The following DRC11 variants were observed in gnomAD, a reference collection of about 807,000 sequenced individuals.
The protein encoded by DRC11 is IQ and AAA domain-containing protein 1.
At chr2:236,465,535 T>C in the DRC11 span, 6 of 1,613,998 alleles carry the variant, frequency 3.7e-6, no homozygotes, top group Non-Finnish European at 5.1e-6. The surrounding 1 kb of genome is among the most constrained non-coding windows in gnomAD (Gnocchi z 6.2). Context: ...CCGGATCTGG[T>C]CTTGAAGGTT....
At chr2:236,331,574 G>A in the DRC11 span, 9 of 1,613,388 alleles carry the variant, frequency 5.6e-6, no homozygotes, top group Admixed American at 1.7e-5. This position sits in a 1 kb window ranked among gnomAD's most constrained non-coding sequence, Gnocchi z 4.8. Context: ...CCTCCATTGC[G>A]TTCAATGATT....
the DRC11 span, among the ~76,000 whole-genome samples, chr2:236,321,710 A>G: frequency 6.6e-6 from 1 of 152,184 alleles, no homozygotes; most frequent in Non-Finnish European, 1.5e-5. Context: ...TGTGTGACAG[A>G]GCAGGAGCAC....
At chr2:236,399,428 ATCCT>A in the DRC11 span, 1 of 1,613,764 alleles carries the variant, frequency 6.2e-7, no homozygotes, top group Non-Finnish European at 8.5e-7. This position sits in a 1 kb window ranked among gnomAD's most constrained non-coding sequence, Gnocchi z 7.0. Context: ...TATGCGTTAC[ATCCT>A]TCCTTCATTG....
the DRC11 span, among the ~76,000 whole-genome samples, chr2:236,419,558 T>A: frequency 6.6e-6 from 1 of 152,104 alleles, no homozygotes; most frequent in African/African-American, 2.4e-5. This position sits in a 1 kb window ranked among gnomAD's most constrained non-coding sequence, Gnocchi z 4.8. Context: ...CTCCTGGAGG[T>A]TCCACAAACT....
chr2:236,446,763 G>C, the DRC11 span, among the ~76,000 whole-genome samples: 1 of 152,196 alleles, frequency 6.6e-6, no homozygotes, highest in African/African-American at 2.4e-5. The surrounding 1 kb of genome is among the most constrained non-coding windows in gnomAD (Gnocchi z 6.2). Context: ...CCAGGCCCTG[G>C]ACAGGCACTG....
chr2:236,340,850 G>A, the DRC11 span, among the ~76,000 whole-genome samples: 2 of 152,196 alleles, frequency 1.3e-5, no homozygotes, highest in Non-Finnish European at 2.9e-5. Flanking sequence ...CATCCTTGCT[G>A]ATGGTGAGGT....
chr2:236,457,858 C>T, the DRC11 span, among the ~76,000 whole-genome samples: 1 of 152,200 alleles, frequency 6.6e-6, no homozygotes, highest in Non-Finnish European at 1.5e-5. The surrounding 1 kb of genome is among the most constrained non-coding windows in gnomAD (Gnocchi z 4.7). Flanking sequence ...TGTCAGTCTC[C>T]TGACCTGTGA....
the DRC11 span, among the ~76,000 whole-genome samples, chr2:236,424,242 G>A: frequency 1.2e-3 from 180 of 152,042 alleles, no homozygotes; most frequent in African/African-American, 4.1e-3. Context: ...AAAAATAGTC[G>A]GATATATAAT....
the DRC11 span, among the ~76,000 whole-genome samples, chr2:236,476,352 AT>A: frequency 6.6e-6 from 1 of 151,312 alleles, no homozygotes; most frequent in East Asian, 1.9e-4. This position sits in a 1 kb window ranked among gnomAD's most constrained non-coding sequence, Gnocchi z 4.7. Context: ...ACTTTTTTGA[AT>A]TTTTTTTAGA....
the DRC11 span, among the ~76,000 whole-genome samples, chr2:236,435,164 C>A: frequency 1.1e-4 from 16 of 152,242 alleles, 1 homozygote; most frequent in Non-Finnish European, 2.4e-4. Context: ...GTCAGTCATG[C>A]TGAAGTCCTG....
the DRC11 span, among the ~76,000 whole-genome samples, chr2:236,414,818 G>A: frequency 6.6e-6 from 1 of 152,098 alleles, no homozygotes; most frequent in South Asian, 2.1e-4. Flanking sequence ...ATCAAATGCA[G>A]GCAAGATTAT....
the DRC11 span, among the ~76,000 whole-genome samples, chr2:236,382,638 A>C: frequency 6.6e-6 from 1 of 152,184 alleles, no homozygotes; most frequent in Non-Finnish European, 1.5e-5. Flanking sequence ...TGCAGTTTTA[A>C]CATACAAGTC....
At chr2:236,456,379 G>A in the DRC11 span, among the ~76,000 whole-genome samples, 1 of 152,166 alleles carries the variant, frequency 6.6e-6, no homozygotes, top group African/African-American at 2.4e-5. This position sits in a 1 kb window ranked among gnomAD's most constrained non-coding sequence, Gnocchi z 5.4. Context: ...AGGCAGCCTG[G>A]CTCTAGGGCC....
chr2:236,488,311 G>A, the DRC11 span: 217 of 638,334 alleles, frequency 3.4e-4, no homozygotes, highest in Middle Eastern at 2.1e-3. Context: ...GGCTGATCAT[G>A]AGTGTGAGAA....
the DRC11 span, among the ~76,000 whole-genome samples, chr2:236,355,336 GCT>G: frequency 6.6e-6 from 1 of 152,346 alleles, no homozygotes; most frequent in East Asian, 1.9e-4. Flanking sequence ...CTATGTGGGC[GCT>G]CTCTGCACTT....
At chr2:236,433,635 T>G in the DRC11 span, among the ~76,000 whole-genome samples, 41 of 152,350 alleles carry the variant, frequency 2.7e-4, no homozygotes, top group East Asian at 7.3e-3. Context: ...AGTAGTTTTT[T>G]AGTTTATTCT....
At chr2:236,441,075 A>G in the DRC11 span, 3 of 1,560,874 alleles carry the variant, frequency 1.9e-6, no homozygotes, top group Non-Finnish European at 2.6e-6. Flanking sequence ...ATAATAGCTG[A>G]CCCTCCTTCT....
the DRC11 span, among the ~76,000 whole-genome samples, chr2:236,489,803 C>A: frequency 6.6e-6 from 1 of 152,250 alleles, no homozygotes; most frequent in African/African-American, 2.4e-5. Context: ...GACACACCTG[C>A]AGTCCCAGCC....
At chr2:236,329,691 T>C in the DRC11 span, among the ~76,000 whole-genome samples, 1 of 152,190 alleles carries the variant, frequency 6.6e-6, no homozygotes, top group South Asian at 2.1e-4. Flanking sequence ...CCTAAACAAA[T>C]TTATTAAACA....
Sources: allele counts gnomAD v4.1 joint callset (sites outside exome capture counted in the v4.1 genomes callset), GRCh38; gene constraint gnomAD v4.1.1; non-coding constraint Gnocchi (gnomAD v3.1); transcripts MANE v1.5; gene names NCBI Gene and HGNC (gene_info 2026-07-23, HGNC 2026-07-21).